ITSN2: variants seen among roughly 807,000 people sequenced by gnomAD.
ITSN2 encodes the protein intersectin 2.
ITSN2 carries 156 observed loss-of-function variants against 243.7 expected under a neutral mutation model. The observed-to-expected ratio is 0.64, with a 90% CI of 0.56 to 0.73. ITSN2 has a LOEUF of 0.73. ITSN2 is among the 30% of genes least tolerant of loss of function. ITSN2 has a pLI of 0.00. For synonymous variants in ITSN2, 703 were observed against 699.9 expected, an observed-to-expected ratio of 1.00 and a Z score of -0.07; for missense variants, 1,801 against 1,996.1, an observed-to-expected ratio of 0.90 and a Z score of 1.86.
Position 24,351,026 on chromosome 2 carries a change from A to T in ITSN2, c.-34+9278T>A, listed in dbSNP as rs562822773. ...TATGTATCTCAATAAAGCTGTTTTT[A>T]AAAAATCTATTCACGTGACATACAA... On this transcript the variant is annotated intron_variant, in intron 1 of 39. Coordinates refer to ENST00000355123, the MANE Select transcript of ITSN2 (RefSeq NM_006277.3). 9.2e-4 allele frequency among the ~76,000 whole-genome samples: 140 copies of T among 152,108 alleles called. 1 individual carries two copies. Among genetic ancestry groups the T allele is most frequent in the Middle Eastern group, 3.4e-3 (1 of 294 alleles).
intron 29 of ITSN2, among the ~76,000 whole-genome samples, chr2:24,223,990 C>T (rs1237196128): frequency 6.6e-6 from 1 of 152,114 alleles, no homozygotes; most frequent in East Asian, 1.9e-4. Context: ...CCAGGGGGAA[C>T]TGCAGAGGGT....
chr2:24,203,815 T>G (rs746681764), intron 39 of ITSN2, 32 bp from the exon 40 acceptor site: 76 of 1,582,604 alleles, frequency 4.8e-5, no homozygotes, highest in Non-Finnish European at 6.3e-5. Flanking sequence ...GTCAGAAGTC[T>G]TTCTTCTTTA....
At chr2:24,337,917 A>G (rs1027754369) in intron 1 of ITSN2, among the ~76,000 whole-genome samples, 6 of 152,158 alleles carry the variant, frequency 3.9e-5, no homozygotes, top group Non-Finnish European at 7.3e-5. Flanking sequence ...TGTCTCATTT[A>G]GTTCCCAAGG....
Position 24,332,891 on chromosome 2 carries a change from A to T in ITSN2, c.-33-4776T>A, listed in dbSNP as rs543439819. ...CACTTCTGTTGATCACAGTAGATGTACTGTGTCATGCTGAGTATTCATTGA... is the reference window on the plus strand; with the variant it reads ...CACTTCTGTTGATCACAGTAGATGTTCTGTGTCATGCTGAGTATTCATTGA... On this transcript the variant is annotated intron_variant, in intron 1 of 39. Coordinates refer to ENST00000355123, the MANE Select transcript of ITSN2 (RefSeq NM_006277.3). Among the ~76,000 whole-genome samples the T allele has an allele frequency of 4.6e-5, 7 of 152,352 alleles. No homozygotes were observed. The South Asian group carries it at 1.0e-3, about 23-fold the overall frequency.
rs776473242 is a variant in ITSN2, at chr2:24,220,975, C to A, written c.3669G>T (p.Arg1223=). The A allele has an allele frequency of 6.2e-7, 1 of 1,609,658 alleles. No individual in the cohort carries two copies. The highest frequency in any genetic ancestry group is 2.2e-5 in the East Asian group (1 of 44,516). ...YIHELIQTEE[R]YMADLQLVVE... ...CGACGAGCTGAAGGTCAGCCATGTA[C>A]CGCTCTTCGGTCTGAATCAGCTCAT... Residue 1223 remains arginine, a synonymous_variant, in exon 30 of 40, where the codon CGG becomes CGT. Transcript: ENST00000355123.
chr2:24,283,091 C>T (rs1209293157), intron 17 of ITSN2, among the ~76,000 whole-genome samples: 1 of 151,734 alleles, frequency 6.6e-6, no homozygotes, highest in African/African-American at 2.4e-5. Flanking sequence ...TGTTGCTACT[C>T]ACTTAACCCT....
In ITSN2 at chr2:24,267,382, A is replaced by T. The variant is rs897548963; in HGVS notation, c.2355+3289T>A. 4.0e-4 allele frequency among the ~76,000 whole-genome samples: 8 copies of T among 19,898 alleles called. No homozygotes were observed. The East Asian group carries it at 0.019, about 47-fold the overall frequency. 13.1% of individuals were successfully genotyped at this position (19,898 alleles called of 152,430 possible). ...ACATGTATCCCAGAACTTAAAGTAT[A>T]AAAAAAAAAAAAAAGTATGGTCTTA... On this transcript the variant is annotated intron_variant, in intron 20 of 39. Coordinates refer to ENST00000355123, the MANE Select transcript of ITSN2 (RefSeq NM_006277.3).
Position 24,223,854 on chromosome 2 carries a change from GAAA to G in ITSN2, c.3578-2791_3578-2789del, listed in dbSNP as rs1203522465. Among the ~76,000 whole-genome samples the G allele has an allele frequency of 1.7e-3, 24 of 14,262 alleles. No homozygotes were observed. In the East Asian group the frequency reaches 0.078, roughly 46 times the overall value. 9.4% of individuals were successfully genotyped at this position (14,262 alleles called of 152,430 possible). A position where few individuals can be genotyped will look rare whatever the true frequency, so the allele number is the denominator to read the frequency against. On this transcript the variant is annotated intron_variant, in intron 29 of 39. Coordinates refer to ENST00000355123, the MANE Select transcript of ITSN2 (RefSeq NM_006277.3). ...AAAGGAAAGAAACAAGAAAAAGAAA[GAAA>G]GAAAGGAAAGAAAGAAAAAAAAGAA... is the stretch of plus-strand genomic sequence containing the variant.
chr2:24,274,613 T>C (rs1264193618), intron 18 of ITSN2, among the ~76,000 whole-genome samples: 1 of 152,112 alleles, frequency 6.6e-6, no homozygotes, highest in African/African-American at 2.4e-5. Context: ...AACAATATTA[T>C]AGTTATTCGT....
rs1408981237 is a variant in ITSN2 at position 24,203,175 on chromosome 2, A to G, written c.*451T>C. 1 of 155,728 alleles carries G rather than the reference A, an allele frequency of 6.4e-6. No individual in the cohort carries two copies. The highest frequency in any genetic ancestry group is 2.4e-5 in the African/African-American group (1 of 41,528). 9.6% of individuals were successfully genotyped at this position (155,728 alleles called of 1,614,324 possible). On this transcript the variant is annotated 3_prime_UTR_variant, in exon 40 of 40. Coordinates refer to ENST00000355123, the MANE Select transcript of ITSN2 (RefSeq NM_006277.3). Reference sequence around the variant, plus strand: ...GCTATTTCAGTATCAGGCCGCGCCAAGTGTCGAGGCTGCAGCCTCTCATCC... The same window carrying G: ...GCTATTTCAGTATCAGGCCGCGCCAGGTGTCGAGGCTGCAGCCTCTCATCC...
chr2:24,235,346 A>G (rs1047726636), intron 29 of ITSN2, among the ~76,000 whole-genome samples: 28 of 152,310 alleles, frequency 1.8e-4, no homozygotes, highest in African/African-American at 6.5e-4. Context: ...AGAGCTGAAC[A>G]GGTAGAGCAC....
Position 24,208,668 on chromosome 2 carries a change from T to C in ITSN2, c.4596-349A>G, listed in dbSNP as rs942764921. ...GGCGCCGCGGAGGCACTGTTGGAGC[T>C]GCAGCCTGAAGGAAGCTGGGAACAG... On this transcript the variant is annotated intron_variant, in intron 36 of 39. Transcript: ENST00000355123. 1.4e-4 allele frequency among the ~76,000 whole-genome samples: 21 copies of C among 152,318 alleles called. 1 individual carries two copies. The highest frequency in any genetic ancestry group is 4.8e-4 in the African/African-American group (20 of 41,578).
Position 24,246,263 on chromosome 2 carries a change from A to ACTCC in ITSN2, c.3442_3443insGGAG (p.Phe1148TrpfsTer9). 6.2e-7 allele frequency: 1 copy of ACTCC among 1,612,948 alleles called. No homozygotes were observed. The highest frequency in any genetic ancestry group is 8.5e-7 in the Non-Finnish European group (1 of 1,179,064). ...AACATTAATGAGTTGTCCCTTGGAG[A>ACTCC]AACTGAGCTCATCTTCATTATTTGC... On this transcript the variant is annotated frameshift_variant, in exon 29 of 40. Coordinates refer to ENST00000355123, the MANE Select transcript of ITSN2 (RefSeq NM_006277.3). LOFTEE classifies it high-confidence loss of function.
At chr2:24,256,137 T>C (rs1337532538) in intron 23 of ITSN2, among the ~76,000 whole-genome samples, 5 of 152,188 alleles carry the variant, frequency 3.3e-5, no homozygotes, top group South Asian at 2.1e-4. Flanking sequence ...GGCAGGAGAA[T>C]TGCTTAAACC....
intron 1 of ITSN2, among the ~76,000 whole-genome samples, chr2:24,358,491 T>A (rs1012271587): frequency 2.0e-5 from 3 of 152,182 alleles, no homozygotes; most frequent in Non-Finnish European, 2.9e-5. Flanking sequence ...GGTAAACATA[T>A]TTTATACTGA....
chr2:24,246,420 A>T, intron 28 of ITSN2, 100 bp from the exon 29 acceptor site: 2 of 609,614 alleles, frequency 3.3e-6, no homozygotes, highest in Non-Finnish European at 5.1e-6. Flanking sequence ...TTTTAATATT[A>T]AATATTAAAA....
intron 8 of ITSN2, among the ~76,000 whole-genome samples, chr2:24,307,961 G>A (rs1048919777): frequency 1.3e-5 from 2 of 152,112 alleles, no homozygotes; most frequent in African/African-American, 4.8e-5. Flanking sequence ...AGCACTTAAA[G>A]CTCTATTATT....
chr2:24,257,823 C>G lies in ITSN2; in HGVS notation c.2888+65G>C. 2.5e-6 allele frequency: 3 copies of G among 1,204,062 alleles called. No individual in the cohort carries two copies. The South Asian group carries it at 3.7e-5, about 15-fold the overall frequency. 74.6% of individuals were successfully genotyped at this position (1,204,062 alleles called of 1,614,324 possible). A position where few individuals can be genotyped will look rare whatever the true frequency, so the allele number is the denominator to read the frequency against. On this transcript the variant is annotated intron_variant, in intron 23 of 39. Coordinates refer to ENST00000355123, the MANE Select transcript of ITSN2 (RefSeq NM_006277.3). ...TATTTTATTATACACTCAATCAGAC[C>G]ATGGCTGACTCATTAGTGAAAATAC...
chr2:24,278,449 G>A (rs1285928870), intron 17 of ITSN2, among the ~76,000 whole-genome samples: 1 of 152,056 alleles, frequency 6.6e-6, no homozygotes, highest in Non-Finnish European at 1.5e-5. Context: ...AATAGTCTAT[G>A]CAAATTAGTA....
Sources: gnomAD v4.1 joint callset for allele counts (sites outside exome capture counted in the v4.1 genomes callset) on GRCh38, gnomAD v4.1.1 for gene constraint, MANE v1.5 for transcripts, NCBI Gene and HGNC (gene_info 2026-07-23, HGNC 2026-07-21) for gene names.